Variants in RASEF observed in about 807,000 individuals in gnomAD.
RASEF encodes RAS and EF-hand domain containing, also known as ras and EF-hand domain-containing protein.
Under a neutral mutation model 90.1 loss-of-function variants are expected in RASEF, and 68 were observed. That is an observed-to-expected ratio of 0.75 (90% CI 0.62 to 0.92). The LOEUF (loss-of-function observed/expected upper bound fraction) is 0.92. Ranked by LOEUF, RASEF falls within the 40% of genes least tolerant of loss-of-function variation. The pLI, the probability that RASEF is intolerant of heterozygous loss-of-function variation, is 0.00. For missense variants in RASEF, 949 were observed against 937.2 expected, an observed-to-expected ratio of 1.01 and a Z score of -0.16; for synonymous variants, 331 against 345.2, an observed-to-expected ratio of 0.96 and a Z score of 0.46.
At chr9:82,987,982 A>G (rs1828740119) in intron 16 of RASEF, among the ~76,000 whole-genome samples, 3 of 152,174 alleles carry the variant, frequency 2.0e-5, no homozygotes, top group Admixed American at 1.3e-4. Flanking sequence ...GCTGCATGGG[A>G]GCAGCAATGC....
intron 6 of RASEF, among the ~76,000 whole-genome samples, chr9:83,008,933 T>TATATATGA (rs1829187006): frequency 7.5e-6 from 1 of 132,578 alleles, no homozygotes; most frequent in Non-Finnish European, 1.6e-5. Flanking sequence ...TATATATATA[T>TATATATGA]ATGACGTGGG....
chr9:83,144,359 GAAA>G, the RASEF span, among the ~76,000 whole-genome samples: 7 of 53,302 alleles, frequency 1.3e-4, no homozygotes, highest in Admixed American at 2.1e-4. Flanking sequence ...AAGAAAGAAA[GAAA>G]GAAAGAAAGA....
At chr9:83,052,204 T>C (rs1830027172) in intron 1 of RASEF, among the ~76,000 whole-genome samples, 1 of 136,568 alleles carries the variant, frequency 7.3e-6, no homozygotes, top group Non-Finnish European at 1.5e-5. Context: ...AACTATTGAT[T>C]ATTGCCACAA....
At chr9:83,073,842 G>C in the RASEF span, among the ~76,000 whole-genome samples, 1 of 152,110 alleles carries the variant, frequency 6.6e-6, no homozygotes, top group Non-Finnish European at 1.5e-5. Context: ...ATGTAAACAA[G>C]CAAGAAAATA....
chr9:83,126,226 G>A, the RASEF span, among the ~76,000 whole-genome samples: 2 of 152,224 alleles, frequency 1.3e-5, no homozygotes, highest in African/African-American at 2.4e-5. Flanking sequence ...GAGGTAATTA[G>A]GTCATGAAGA....
the RASEF span, among the ~76,000 whole-genome samples, chr9:83,074,231 A>G: frequency 2.0e-5 from 3 of 152,360 alleles, no homozygotes; most frequent in Admixed American, 2.0e-4. Context: ...AAAACAAAGG[A>G]TCACAGATTA....
chr9:83,004,349 G>T, intron 9 of RASEF, 149 bp downstream of exon 9: 1 of 546,876 alleles, frequency 1.8e-6, no homozygotes, highest in South Asian at 2.9e-5. Context: ...ATTTTTACAT[G>T]ATTCATGTTT....
intron 16 of RASEF, among the ~76,000 whole-genome samples, chr9:82,988,239 G>A (rs1444936324): frequency 4.6e-5 from 7 of 152,196 alleles, no homozygotes; most frequent in Non-Finnish European, 1.5e-5. Flanking sequence ...GTAGCTTGTT[G>A]AGCCAAAATA....
the RASEF span, among the ~76,000 whole-genome samples, chr9:83,164,576 C>G: frequency 6.8e-6 from 1 of 146,120 alleles, no homozygotes; most frequent in Non-Finnish European, 1.5e-5. Flanking sequence ...AATTGGTTTA[C>G]TAAGACAGGA....
chr9:83,216,582 C>T, the RASEF span, among the ~76,000 whole-genome samples: 226 of 152,278 alleles, frequency 1.5e-3, no homozygotes, highest in African/African-American at 5.1e-3. Context: ...TGAACGTCCA[C>T]GCAGAAGTTT....
chr9:82,982,675 ATTTAGC>A lies in RASEF; in HGVS notation c.2219_*1del. Reference sequence around the variant, plus strand: ...ACTTCACAGGCCAAGGATGTTTGGGATTTAGCCATTGCAACAATTCTTCATCTGTGG... The same window carrying A: ...ACTTCACAGGCCAAGGATGTTTGGGACATTGCAACAATTCTTCATCTGTGG... On this transcript the variant is annotated stop_lost and 3_prime_UTR_variant, in exon 17 of 17. Coordinates refer to ENST00000376447, the MANE Select transcript of RASEF (RefSeq NM_152573.4). The A allele has an allele frequency of 6.6e-7, 1 of 1,525,086 alleles. No individual in the cohort carries two copies. The highest frequency in any genetic ancestry group is 9.1e-7 in the Non-Finnish European group (1 of 1,098,846). The allele number at this position is 1,525,086 out of a possible 1,614,324, so 94.5% of individuals were successfully genotyped here. A position where few individuals can be genotyped will look rare whatever the true frequency, so the allele number is the denominator to read the frequency against.
At chr9:83,089,280 A>G in the RASEF span, among the ~76,000 whole-genome samples, 14 of 149,784 alleles carry the variant, frequency 9.3e-5, no homozygotes, top group African/African-American at 3.3e-4. Flanking sequence ...ATTGTTTTAC[A>G]TAGAGTTTTA....
chr9:83,179,742 T>C, the RASEF span, among the ~76,000 whole-genome samples: 1 of 152,154 alleles, frequency 6.6e-6, no homozygotes, highest in Non-Finnish European at 1.5e-5. Context: ...CCAGATATTT[T>C]GCTAAATAAA....
the RASEF span, among the ~76,000 whole-genome samples, chr9:83,110,701 G>T: frequency 6.6e-6 from 1 of 152,148 alleles, no homozygotes; most frequent in Non-Finnish European, 1.5e-5. Context: ...AGTAGAAATT[G>T]CCTGTCTTCC....
chr9:83,154,878 A>C, the RASEF span, among the ~76,000 whole-genome samples: 1 of 152,214 alleles, frequency 6.6e-6, no homozygotes, highest in Non-Finnish European at 1.5e-5. Flanking sequence ...TAATGGAGGA[A>C]GGTATTTTCA....
the RASEF span, among the ~76,000 whole-genome samples, chr9:83,196,566 C>T: frequency 6.6e-6 from 1 of 152,122 alleles, no homozygotes. Flanking sequence ...TGCTGAATCT[C>T]CTGCTGTGTG....
the RASEF span, among the ~76,000 whole-genome samples, chr9:83,118,811 T>C: frequency 2.0e-5 from 3 of 152,182 alleles, no homozygotes; most frequent in African/African-American, 7.2e-5. Context: ...AATATGAGTT[T>C]TACCTAACAT....
At chr9:83,089,857 T>A in the RASEF span, among the ~76,000 whole-genome samples, 1 of 152,084 alleles carries the variant, frequency 6.6e-6, no homozygotes, top group Non-Finnish European at 1.5e-5. Context: ...CTGTTCCTGA[T>A]CTTTCTCCTG....
chr9:83,014,629 T>C (rs1012053606), intron 4 of RASEF, among the ~76,000 whole-genome samples: 4 of 152,196 alleles, frequency 2.6e-5, no homozygotes, highest in African/African-American at 9.7e-5. Flanking sequence ...GGATGATCCT[T>C]TTTTAATTAT....
Sources: gnomAD v4.1 joint callset for allele counts (sites outside exome capture counted in the v4.1 genomes callset) on GRCh38, gnomAD v4.1.1 for gene constraint, MANE v1.5 for transcripts, NCBI Gene and HGNC (gene_info 2026-07-23, HGNC 2026-07-21) for gene names.